The following FSTL4 variants were observed in gnomAD, a reference collection of about 807,000 sequenced individuals.
The protein encoded by FSTL4 is follistatin like 4.
Under a neutral mutation model 78.2 loss-of-function variants are expected in FSTL4, and 28 were observed. The ratio of observed to expected loss-of-function variants is 0.36; its 90% CI spans 0.27 to 0.49. FSTL4 has a LOEUF of 0.49. FSTL4 is among the 20% of genes least tolerant of loss of function. The pLI is 0.98. For synonymous variants in FSTL4, 422 were observed against 440.5 expected (o/e 0.96, Z 0.53); for missense variants, 922 against 1,084.9 (o/e 0.85, Z 2.11).
At chr5:133,823,618 C>T in the FSTL4 span, among the ~76,000 whole-genome samples, 1 of 152,192 alleles carries the variant, frequency 6.6e-6, no homozygotes, top group Non-Finnish European at 1.5e-5. Context: ...CTGTCTCCTT[C>T]CCCACTCCTC....
intron 3 of FSTL4, among the ~76,000 whole-genome samples, chr5:133,541,949 C>CACACACACAT (rs1554069683): frequency 6.6e-6 from 1 of 151,858 alleles, no homozygotes; most frequent in African/African-American, 2.4e-5. Context: ...CACACACACA[C>CACACACACAT]ACTCTTAACT....
chr5:133,313,644 G>A (rs1015566238), intron 5 of FSTL4, among the ~76,000 whole-genome samples: 1 of 151,976 alleles, frequency 6.6e-6, no homozygotes, highest in African/African-American at 2.4e-5. Context: ...GGGGGGAGGG[G>A]GGCAGAGGCA....
chr5:133,226,419 T>C (rs1014421614), intron 8 of FSTL4, among the ~76,000 whole-genome samples: 2 of 152,116 alleles, frequency 1.3e-5, no homozygotes, highest in Admixed American at 6.5e-5. Flanking sequence ...GGTGTGAGCC[T>C]GCCCACTCAC....
chr5:133,356,806 C>T (rs1754953795), intron 4 of FSTL4, among the ~76,000 whole-genome samples: 1 of 152,244 alleles, frequency 6.6e-6, no homozygotes, highest in Non-Finnish European at 1.5e-5. Flanking sequence ...GCAGGGGACC[C>T]CTCACAGCTT....
chr5:133,597,128 G>A (rs1760754557), intron 2 of FSTL4, among the ~76,000 whole-genome samples: 1 of 152,054 alleles, frequency 6.6e-6, no homozygotes. Flanking sequence ...GTTCCAGTAT[G>A]CTCCACCTCC....
chr5:133,478,700 G>A (rs1757967356), intron 3 of FSTL4, among the ~76,000 whole-genome samples: 1 of 152,144 alleles, frequency 6.6e-6, no homozygotes, highest in Non-Finnish European at 1.5e-5. Flanking sequence ...TTCATGAAGA[G>A]TAAAACTGTA....
At chr5:133,240,831 G>A (rs1001049433) in intron 7 of FSTL4, among the ~76,000 whole-genome samples, 73 of 152,294 alleles carry the variant, frequency 4.8e-4, no homozygotes, top group African/African-American at 1.8e-3. Context: ...CTGAGAGGAA[G>A]GATAGTTAAG....
intron 2 of FSTL4, among the ~76,000 whole-genome samples, chr5:133,596,818 C>T (rs997696028): frequency 6.6e-6 from 1 of 152,238 alleles, no homozygotes; most frequent in African/African-American, 2.4e-5. Flanking sequence ...CCGCAGGCCA[C>T]TCACACTCAT....
At chr5:133,771,313 A>G in the FSTL4 span, among the ~76,000 whole-genome samples, 1 of 152,082 alleles carries the variant, frequency 6.6e-6, no homozygotes, top group Non-Finnish European at 1.5e-5. Flanking sequence ...TTTGGGCAGT[A>G]TGGTCATTTT....
intron 3 of FSTL4, among the ~76,000 whole-genome samples, chr5:133,405,866 G>A (rs905675752): frequency 2.0e-5 from 3 of 152,206 alleles, no homozygotes; most frequent in South Asian, 2.1e-4. Context: ...TGGTAACAAC[G>A]GGGCACTTCC....
intron 3 of FSTL4, among the ~76,000 whole-genome samples, chr5:133,511,853 A>G (rs554663948): frequency 8.5e-5 from 13 of 152,224 alleles, no homozygotes; most frequent in Admixed American, 4.6e-4. Context: ...TGGGTGGAGC[A>G]GGCAGAAGGG....
chr5:133,240,723 C>T (rs956602377), intron 7 of FSTL4, among the ~76,000 whole-genome samples: 16 of 151,704 alleles, frequency 1.1e-4, no homozygotes, highest in Non-Finnish European at 1.5e-4. Context: ...CTGTATTATT[C>T]TCAGCGTGTC....
the FSTL4 span, among the ~76,000 whole-genome samples, chr5:133,758,391 C>T: frequency 1.3e-5 from 2 of 152,018 alleles, no homozygotes; most frequent in South Asian, 2.1e-4. Context: ...TAAGAATAAA[C>T]ATAAGGAAAG....
intron 3 of FSTL4, among the ~76,000 whole-genome samples, chr5:133,511,046 C>T (rs893421930): frequency 1.3e-5 from 2 of 152,176 alleles, no homozygotes; most frequent in African/African-American, 4.8e-5. Context: ...GGAGTTTTTG[C>T]GAGCTCAGTT....
At chr5:133,769,118 T>G in the FSTL4 span, among the ~76,000 whole-genome samples, 58 of 152,366 alleles carry the variant, frequency 3.8e-4, 1 homozygote, top group African/African-American at 1.3e-3. Flanking sequence ...GAACCACATG[T>G]ACCTAAATCT....
chr5:133,538,024 A>G (rs904553229), intron 3 of FSTL4, among the ~76,000 whole-genome samples: 1 of 152,162 alleles, frequency 6.6e-6, no homozygotes, highest in Non-Finnish European at 1.5e-5. Flanking sequence ...CTCCTACAGT[A>G]TAACTGTAGA....
At chr5:133,739,518 C>T in the FSTL4 span, among the ~76,000 whole-genome samples, 1 of 152,150 alleles carries the variant, frequency 6.6e-6, no homozygotes, top group African/African-American at 2.4e-5. Context: ...CCCACCCTGA[C>T]AGGAGAATTT....
chr5:133,818,421 G>C, the FSTL4 span, among the ~76,000 whole-genome samples: 19 of 152,156 alleles, frequency 1.2e-4, no homozygotes, highest in African/African-American at 4.6e-4. Flanking sequence ...CACTAGCTCT[G>C]TGTGCTGCCT....
At chr5:133,838,898 C>A in the FSTL4 span, among the ~76,000 whole-genome samples, 2 of 152,196 alleles carry the variant, frequency 1.3e-5, no homozygotes, top group Non-Finnish European at 2.9e-5. Context: ...AAGGAGACAT[C>A]ACACGCATGG....
Sources: gnomAD v4.1 joint callset for allele counts (sites outside exome capture counted in the v4.1 genomes callset) on GRCh38, gnomAD v4.1.1 for gene constraint, MANE v1.5 for transcripts, NCBI Gene and HGNC (gene_info 2026-07-23, HGNC 2026-07-21) for gene names.